Variants in NEO1 observed in about 807,000 individuals in gnomAD.
NEO1 encodes the protein neogenin 1.
A neutral mutation model predicts 159.7 loss-of-function variants in NEO1; 63 were observed. That is an observed-to-expected ratio of 0.39 (90% CI 0.32 to 0.49). The LOEUF (loss-of-function observed/expected upper bound fraction) is 0.49. Ranked by LOEUF, NEO1 falls within the 20% of genes least tolerant of loss-of-function variation. The pLI, the probability that NEO1 is intolerant of heterozygous loss-of-function variation, is 0.85. For synonymous variants in NEO1, 633 were observed against 662.0 expected, an observed-to-expected ratio of 0.96 and a Z score of 0.67; for missense variants, 1,615 against 1,831.0, an observed-to-expected ratio of 0.88 and a Z score of 2.15.
At chr15:73,254,566 A>T in intron 12 of NEO1, 116 bp from the exon 13 acceptor site, 1 of 1,022,650 alleles carries the variant, frequency 9.8e-7, no homozygotes, top group Non-Finnish European at 1.4e-6. Context: ...AACTCTGAGT[A>T]CCTTGCTGCC....
intron 13 of NEO1, 113 bp downstream of exon 13, chr15:73,254,942 G>T (rs1359619496): frequency 1.6e-6 from 2 of 1,223,580 alleles, no homozygotes. Context: ...ATTTAAAATG[G>T]TTCAGAAAAT....
chr15:73,301,367 T>C lies in NEO1; in HGVS notation c.4212T>C (p.Thr1404=). ...CAGTGAAGACAGCCTCCATCGGGAC[T>C]CTAGGAAGGAGCCGGCCTCCTATGC... ...IHSVKTASIG[T]LGRSRPPMPV... The change falls in exon 28 of 29, where the codon ACT becomes ACC. Residue 1404 remains threonine (T), a synonymous_variant. Transcript: ENST00000261908. The C allele has an allele frequency of 6.2e-7, 1 of 1,614,184 alleles. No homozygotes were observed. Among genetic ancestry groups the C allele is most frequent in the Non-Finnish European group, 8.5e-7 (1 of 1,180,026 alleles).
Position 73,147,148 on chromosome 15 carries a change from A to AG in NEO1, c.1015+11121_1015+11122insG, listed in dbSNP as rs551274161. ...CATTCTTCCTATTTGTAAAGTAGGGATAAGAGTCCTTCTTTGTGGTGGTGT... is the reference window on the plus strand; with the variant it reads ...CATTCTTCCTATTTGTAAAGTAGGGAGTAAGAGTCCTTCTTTGTGGTGGTGT... On this transcript the variant is annotated intron_variant, in intron 5 of 28. Coordinates refer to ENST00000261908, the MANE Select transcript of NEO1 (RefSeq NM_002499.4). Among the ~76,000 whole-genome samples, 244 of 152,306 alleles carry AG rather than the reference A, an allele frequency of 1.6e-3. 1 individual carries two copies. The highest frequency in any genetic ancestry group is 0.015 in the East Asian group (79 of 5,188).
At chr15:73,251,709 C>A (rs2040081697) in intron 11 of NEO1, among the ~76,000 whole-genome samples, 1 of 152,104 alleles carries the variant, frequency 6.6e-6, no homozygotes, top group African/African-American at 2.4e-5. Flanking sequence ...ATGTTGACTA[C>A]AGTACCTGTG....
chr15:73,052,327 C>T (rs930696108), upstream of NEO1, among the ~76,000 whole-genome samples: 3 of 140,262 alleles, frequency 2.1e-5, no homozygotes, highest in African/African-American at 7.7e-5. Context: ...CCCCGCCGTC[C>T]GCGGTCTCCG....
chr15:73,159,558 T>C lies in NEO1; in HGVS notation c.1016-16845T>C, dbSNP rs75291206. Among the ~76,000 whole-genome samples the C allele has an allele frequency of 4.3e-3, 657 of 152,204 alleles. 3 individuals carry two copies. The highest frequency in any genetic ancestry group is 0.015 in the African/African-American group (629 of 41,538). On this transcript the variant is annotated intron_variant, in intron 5 of 28. Transcript: ENST00000261908. ...TATATCCCACTAAACCCACTAATGG[T>C]ATATGTAGCTCAATTTCCTCTTGAC...
intron 4 of NEO1, among the ~76,000 whole-genome samples, chr15:73,127,192 C>T (rs2030391502): frequency 6.6e-6 from 1 of 151,296 alleles, no homozygotes. Flanking sequence ...GATCGCGTCA[C>T]TGCACTCTAG....
chr15:73,124,430 CAG>C (rs961866974), intron 3 of NEO1, among the ~76,000 whole-genome samples: 1 of 152,146 alleles, frequency 6.6e-6, no homozygotes, highest in Non-Finnish European at 1.5e-5. Context: ...CCATGTCATT[CAG>C]AGTTAAAGTT....
intron 26 of NEO1, 83 bp downstream of exon 26, chr15:73,293,631 G>A: frequency 7.1e-7 from 1 of 1,401,298 alleles, no homozygotes; most frequent in South Asian, 1.4e-5. Flanking sequence ...GCCCTACTTA[G>A]AAGAGGGATT....
At chr15:73,130,803 C>T (rs372788104) in intron 4 of NEO1, among the ~76,000 whole-genome samples, 1 of 152,206 alleles carries the variant, frequency 6.6e-6, no homozygotes, top group East Asian at 1.9e-4. Flanking sequence ...GGAGGCCCAG[C>T]GGAGAGTCAA....
At chr15:73,076,399 C>T (rs2068767455) in intron 1 of NEO1, among the ~76,000 whole-genome samples, 1 of 152,052 alleles carries the variant, frequency 6.6e-6, no homozygotes, top group Admixed American at 6.6e-5. Context: ...ACTGAAGGAC[C>T]TAAAGAAGTT....
At chr15:73,186,342 C>CA (rs974544083) in intron 7 of NEO1, among the ~76,000 whole-genome samples, 4 of 150,024 alleles carry the variant, frequency 2.7e-5, no homozygotes, top group Non-Finnish European at 5.9e-5. Context: ...AAAAGGCAAC[C>CA]AAAAAAAAGG....
At chr15:73,101,885 G>T (rs2070421646) in intron 1 of NEO1, among the ~76,000 whole-genome samples, 1 of 152,090 alleles carries the variant, frequency 6.6e-6, no homozygotes, top group South Asian at 2.1e-4. Flanking sequence ...GAATATAGAA[G>T]AAAACCAAGC....
chr15:73,230,904 T>A lies in NEO1; in HGVS notation c.1292-5443T>A, dbSNP rs977308100. ...CACCATGCCTGGCCTGTTAAAAAAA[T>A]TTTTTTAAATTTTTCTTATGATTTC... On this transcript the variant is annotated intron_variant, in intron 7 of 28. Transcript: ENST00000261908. Among the ~76,000 whole-genome samples, 16 of 129,730 alleles carry A rather than the reference T, an allele frequency of 1.2e-4. 1 individual carries two copies. Among genetic ancestry groups the A allele is most frequent in the African/African-American group, 2.4e-4 (9 of 38,166 alleles). 85.1% of individuals were successfully genotyped at this position (129,730 alleles called of 152,430 possible).
chr15:73,249,313 A>G, intron 10 of NEO1, 105 bp downstream of exon 10: 1 of 1,274,932 alleles, frequency 7.8e-7, no homozygotes, highest in Non-Finnish European at 1.1e-6. Context: ...GGGGAAAAAG[A>G]AACATAGGAA....
chr15:73,067,387 A>G (rs2068273054), intron 1 of NEO1, among the ~76,000 whole-genome samples: 1 of 151,196 alleles, frequency 6.6e-6, no homozygotes, highest in South Asian at 2.1e-4. Flanking sequence ...GTTTGTGGTG[A>G]CCATGATGAT....
chr15:73,134,828 C>A (rs998660763), intron 4 of NEO1, among the ~76,000 whole-genome samples: 1 of 151,794 alleles, frequency 6.6e-6, no homozygotes, highest in Non-Finnish European at 1.5e-5. Flanking sequence ...ATAAGGAATT[C>A]TATATGAAAA....
chr15:73,221,417 A>T (rs1240835120), intron 7 of NEO1, among the ~76,000 whole-genome samples: 4 of 152,204 alleles, frequency 2.6e-5, no homozygotes, highest in Admixed American at 6.5e-5. Flanking sequence ...CCGTTCTCAG[A>T]TCTCCAGCTG....
chr15:73,252,938 C>T (rs1007705692), intron 11 of NEO1, among the ~76,000 whole-genome samples: 10 of 152,002 alleles, frequency 6.6e-5, no homozygotes, highest in Non-Finnish European at 1.0e-4. Context: ...TGCTGTGAGC[C>T]GACATCACGC....
Sources: allele counts gnomAD v4.1 joint callset (sites outside exome capture counted in the v4.1 genomes callset), GRCh38; gene constraint gnomAD v4.1.1; transcripts MANE v1.5; gene names NCBI Gene and HGNC (gene_info 2026-07-23, HGNC 2026-07-21).